The following FTO variants were observed in gnomAD, a reference collection of about 807,000 sequenced individuals.
FTO encodes FTO alpha-ketoglutarate dependent dioxygenase.
Under a neutral mutation model 63.9 loss-of-function variants are expected in FTO, and 47 were observed. The ratio of observed to expected loss-of-function variants is 0.74; its 90% CI spans 0.58 to 0.94. The LOEUF (loss-of-function observed/expected upper bound fraction) is 0.94. Ranked by LOEUF, FTO falls within the 40% of genes least tolerant of loss-of-function variation. The probability of loss-of-function intolerance (pLI) is 0.00; values close to 1 mark genes in which losing one functional copy is unlikely to be tolerated. For synonymous variants in FTO, 207 were observed against 224.4 expected, an observed-to-expected ratio of 0.92 and a Z score of 0.69; for missense variants, 562 against 618.1, an observed-to-expected ratio of 0.91 and a Z score of 0.96.
chr16:53,829,750 T>C (rs1567337096), intron 3 of FTO, among the ~76,000 whole-genome samples: 1 of 152,032 alleles, frequency 6.6e-6, no homozygotes, highest in Non-Finnish European at 1.5e-5. Flanking sequence ...TTTGAGGTAA[T>C]AGGGAGGTAA....
chr16:53,863,557 G>A (rs1346078434), intron 4 of FTO, among the ~76,000 whole-genome samples: 2 of 152,320 alleles, frequency 1.3e-5, no homozygotes, highest in Non-Finnish European at 2.9e-5. Context: ...ATTGCTGATT[G>A]CTCCAGTTCC....
chr16:54,038,221 A>C (rs532379341), intron 8 of FTO, among the ~76,000 whole-genome samples: 21 of 152,322 alleles, frequency 1.4e-4, no homozygotes, highest in South Asian at 4.1e-4. Flanking sequence ...GTTTTCAAGC[A>C]TGAGTAGAGT....
At chr16:53,851,285 T>TAAA (rs571720201) in intron 4 of FTO, among the ~76,000 whole-genome samples, 1 of 103,288 alleles carries the variant, frequency 9.7e-6, no homozygotes, top group Non-Finnish European at 2.1e-5. Flanking sequence ...CCACCTCTAC[T>TAAA]AAAAAAAAAA....
intron 8 of FTO, among the ~76,000 whole-genome samples, chr16:54,107,386 C>A (rs776986515): frequency 6.6e-6 from 1 of 152,170 alleles, no homozygotes; most frequent in Non-Finnish European, 1.5e-5. Flanking sequence ...CTTTCTTTAG[C>A]AACATTATCC....
At chr16:53,746,080 C>G (rs2076645329) in intron 1 of FTO, among the ~76,000 whole-genome samples, 1 of 152,148 alleles carries the variant, frequency 6.6e-6, no homozygotes, top group Non-Finnish European at 1.5e-5. Context: ...CTATGCAACT[C>G]CTAAGTTTTC....
chr16:53,818,728 T>G (rs2078768560), intron 2 of FTO, among the ~76,000 whole-genome samples: 1 of 152,042 alleles, frequency 6.6e-6, no homozygotes, highest in Non-Finnish European at 1.5e-5. Context: ...CTTGTCTATC[T>G]TGTTACTAAT....
At chr16:53,722,111 T>C (rs939702358) in intron 1 of FTO, among the ~76,000 whole-genome samples, 5 of 152,218 alleles carry the variant, frequency 3.3e-5, no homozygotes, top group African/African-American at 1.2e-4. Context: ...CGTTTGAGGA[T>C]TATTCCATTC....
intron 8 of FTO, among the ~76,000 whole-genome samples, chr16:54,066,743 T>G (rs2075202): frequency 0.064 from 9,726 of 152,232 alleles, 433 homozygotes; most frequent in East Asian, 0.14. Flanking sequence ...AAGAAGAGTA[T>G]CAGGTGTAGC....
chr16:53,871,424 T>C (rs1453977136), intron 4 of FTO, among the ~76,000 whole-genome samples: 3 of 152,210 alleles, frequency 2.0e-5, no homozygotes, highest in Non-Finnish European at 4.4e-5. Context: ...CTTCTGCAGT[T>C]TGTAAATTGC....
intron 1 of FTO, among the ~76,000 whole-genome samples, chr16:53,755,979 C>T (rs1010582151): frequency 6.6e-6 from 1 of 152,184 alleles, no homozygotes. Flanking sequence ...CAAATCTAAA[C>T]TTAGATAATA....
chr16:53,952,859 A>G (rs530765416), intron 8 of FTO, among the ~76,000 whole-genome samples: 2 of 152,244 alleles, frequency 1.3e-5, no homozygotes, highest in African/African-American at 4.8e-5. Context: ...ATGCTCAAGC[A>G]GGTGAGAATT....
At position 54,049,916 on chromosome 16, in the gene FTO, G is replaced by A. The variant is rs566974105; in HGVS notation, c.1365-61846G>A. Reference sequence around the variant, plus strand: ...AGCGTCAAAGCATTACCTGGCAAACGGATCCACGTCTGGCCATCATGAGAG... The same window carrying A: ...AGCGTCAAAGCATTACCTGGCAAACAGATCCACGTCTGGCCATCATGAGAG... On this transcript the variant is annotated intron_variant, in intron 8 of 8. Coordinates refer to ENST00000471389, the MANE Select transcript of FTO (RefSeq NM_001080432.3). Among the ~76,000 whole-genome samples, 7 of 152,336 alleles carry A rather than the reference G, an allele frequency of 4.6e-5. No homozygotes were observed. In the East Asian group the frequency reaches 5.8e-4, roughly 13 times the overall value.
At chr16:53,712,567 G>A (rs945048618) in intron 1 of FTO, among the ~76,000 whole-genome samples, 1 of 152,156 alleles carries the variant, frequency 6.6e-6, no homozygotes, top group African/African-American at 2.4e-5. Context: ...GTAACAGTGA[G>A]TTCTTGTTGC....
intron 3 of FTO, among the ~76,000 whole-genome samples, chr16:53,839,775 T>TTTTA (rs1205942882): frequency 0.16 from 5,744 of 36,614 alleles, 162 homozygotes; most frequent in Middle Eastern, 0.18. Context: ...TTTTCTTTTT[T>TTTTA]TTTATTTATT....
chr16:53,945,089 C>A (rs895017063), intron 8 of FTO, among the ~76,000 whole-genome samples: 7 of 151,450 alleles, frequency 4.6e-5, no homozygotes, highest in Non-Finnish European at 7.4e-5. Context: ...TACGCCTTAG[C>A]AACTTTATGT....
intron 1 of FTO, among the ~76,000 whole-genome samples, chr16:53,787,679 G>C (rs1021417605): frequency 6.6e-6 from 1 of 152,136 alleles, no homozygotes; most frequent in Non-Finnish European, 1.5e-5. Context: ...TGTAAGTCTG[G>C]TATATCTAAC....
intron 7 of FTO, among the ~76,000 whole-genome samples, chr16:53,917,502 G>A (rs1171012459): frequency 6.6e-6 from 1 of 152,120 alleles, no homozygotes; most frequent in Non-Finnish European, 1.5e-5. Context: ...TTAGGACAGG[G>A]CTTGGCACAC....
At chr16:54,010,940 GA>G (rs1270975046) in intron 8 of FTO, among the ~76,000 whole-genome samples, 1 of 152,102 alleles carries the variant, frequency 6.6e-6, no homozygotes, top group East Asian at 1.9e-4. Context: ...GTGCATCCCC[GA>G]AAGTAAGTGA....
At chr16:54,069,393 T>C (rs1168663384) in intron 8 of FTO, among the ~76,000 whole-genome samples, 6 of 152,092 alleles carry the variant, frequency 3.9e-5, no homozygotes, top group Non-Finnish European at 8.8e-5. Flanking sequence ...GTGATTACAA[T>C]CAGACGTAGG....
Sources: gnomAD v4.1 joint callset for allele counts (sites outside exome capture counted in the v4.1 genomes callset) on GRCh38, gnomAD v4.1.1 for gene constraint, MANE v1.5 for transcripts, NCBI Gene and HGNC (gene_info 2026-07-23, HGNC 2026-07-21) for gene names.